Variants in PCCA observed in about 807,000 individuals in gnomAD.
The protein encoded by PCCA is propionyl-CoA carboxylase subunit alpha, also known as propionyl-CoA carboxylase alpha chain, mitochondrial.
PCCA carries 74 observed loss-of-function variants against 101.3 expected under a neutral mutation model. That is an observed-to-expected ratio of 0.73 (90% CI 0.61 to 0.89). PCCA has a LOEUF of 0.89. Among genes scored for constraint, PCCA ranks in the 40% least tolerant of loss-of-function variants. The pLI is 0.00. For synonymous variants in PCCA, 294 were observed against 313.6 expected (o/e 0.94, Z 0.66); for missense variants, 891 against 907.0 (o/e 0.98, Z 0.23).
intron 4 of PCCA, among the ~76,000 whole-genome samples, chr13:100,135,298 G>A (rs113461930): frequency 0.055 from 8,405 of 151,802 alleles, 791 homozygotes; most frequent in African/African-American, 0.19. Context: ...AGGCTGAGAG[G>A]GAGAATTGCT....
chr13:100,463,491 G>A (rs185832117), intron 21 of PCCA, among the ~76,000 whole-genome samples: 4 of 146,372 alleles, frequency 2.7e-5, no homozygotes, highest in Admixed American at 2.6e-4. Flanking sequence ...GATAACTGAT[G>A]CAGTTAGGGA....
chr13:100,395,382 G>C (rs1208071675), intron 19 of PCCA, among the ~76,000 whole-genome samples: 1 of 152,162 alleles, frequency 6.6e-6, no homozygotes, highest in East Asian at 1.9e-4. Context: ...CTGAAACTCA[G>C]TGGCAAGGGA....
chr13:100,105,668 A>C lies in PCCA; in HGVS notation c.183+2708A>C, dbSNP rs1240684333. Among the ~76,000 whole-genome samples, 102 of 149,404 alleles carry C rather than the reference A, an allele frequency of 6.8e-4. 1 individual carries two copies. Among genetic ancestry groups the C allele is most frequent in the African/African-American group, 2.5e-3 (102 of 40,926 alleles). ...AACCCTGTCTCTACCAAAAAAAAAA[A>C]AAAAAAAAAAACACCCCACAAAAAT... is the stretch of plus-strand genomic sequence containing the variant. On this transcript the variant is annotated intron_variant, in intron 2 of 23. Coordinates refer to ENST00000376285, the MANE Select transcript of PCCA (RefSeq NM_000282.4).
At chr13:100,244,319 T>C (rs935842378) in intron 8 of PCCA, among the ~76,000 whole-genome samples, 7 of 152,216 alleles carry the variant, frequency 4.6e-5, no homozygotes, top group African/African-American at 1.7e-4. Context: ...ACTTGTGTTC[T>C]GTGGCTTTTT....
chr13:100,529,510 G>C (rs917627355), intron 23 of PCCA, among the ~76,000 whole-genome samples: 1 of 152,154 alleles, frequency 6.6e-6, no homozygotes, highest in African/African-American at 2.4e-5. Context: ...ACTGAAACCG[G>C]TAGGACAAAA....
At chr13:100,391,833 C>T (rs2076815683) in intron 19 of PCCA, among the ~76,000 whole-genome samples, 1 of 152,112 alleles carries the variant, frequency 6.6e-6, no homozygotes, top group Non-Finnish European at 1.5e-5. Flanking sequence ...TAAATAAATA[C>T]ATTAACATCA....
rs149663763 is a variant in PCCA, at chr13:100,134,632, C to T, written c.301-20347C>T. ...AGTGCAGTTGTGTGATCATAGCTCA[C>T]TGTAGGCTTGACCACCTGGGCTCAA... On this transcript the variant is annotated intron_variant, in intron 4 of 23. Coordinates refer to ENST00000376285, the MANE Select transcript of PCCA (RefSeq NM_000282.4). Among the ~76,000 whole-genome samples the T allele has an allele frequency of 4.6e-4, 70 of 152,268 alleles. 1 individual carries two copies. The East Asian group carries it at 0.011, about 24-fold the overall frequency.
chr13:100,489,946 G>T (rs1198609584), intron 21 of PCCA: 4 of 152,220 alleles, frequency 2.6e-5, no homozygotes, highest in Non-Finnish European at 5.9e-5. Context: ...GGAGCACGGG[G>T]CTCAGGGAAA....
chr13:100,259,316 T>C (rs984801137), intron 9 of PCCA, among the ~76,000 whole-genome samples: 3 of 148,574 alleles, frequency 2.0e-5, no homozygotes, highest in Non-Finnish European at 4.4e-5. Context: ...AGATTTTTTT[T>C]AAAAATGTAA....
chr13:100,261,307 A>G (rs563642918), intron 9 of PCCA, among the ~76,000 whole-genome samples: 13 of 152,176 alleles, frequency 8.5e-5, no homozygotes, highest in African/African-American at 2.9e-4. Context: ...AATGGATAGA[A>G]GGCAATATAT....
At chr13:100,214,078 A>G (rs925401246) in intron 7 of PCCA, among the ~76,000 whole-genome samples, 1 of 152,036 alleles carries the variant, frequency 6.6e-6, no homozygotes, top group South Asian at 2.1e-4. Context: ...ATTCTGTTCT[A>G]TTGGTCTATG....
intron 10 of PCCA, among the ~76,000 whole-genome samples, chr13:100,264,346 T>C (rs561782956): frequency 6.6e-6 from 1 of 152,226 alleles, no homozygotes; most frequent in South Asian, 2.1e-4. Flanking sequence ...CACACACATC[T>C]AATTGTGTAA....
intron 18 of PCCA, among the ~76,000 whole-genome samples, chr13:100,362,609 A>G (rs2074739717): frequency 6.6e-6 from 1 of 152,146 alleles, no homozygotes; most frequent in East Asian, 1.9e-4. Flanking sequence ...TTTCCTGGCT[A>G]ATCATGCCCA....
intron 18 of PCCA, among the ~76,000 whole-genome samples, chr13:100,358,898 C>T (rs1260037892): frequency 2.0e-5 from 3 of 152,004 alleles, no homozygotes; most frequent in African/African-American, 7.2e-5. Flanking sequence ...GAGTTTGAGA[C>T]CAGCCTGGCC....
At chr13:100,465,891 T>A (rs985118969) in intron 21 of PCCA, among the ~76,000 whole-genome samples, 8 of 152,340 alleles carry the variant, frequency 5.3e-5, no homozygotes, top group East Asian at 1.9e-4. Flanking sequence ...TGATACTGGA[T>A]TTGCTTTAGG....
intron 19 of PCCA, among the ~76,000 whole-genome samples, chr13:100,385,416 C>CAA (rs2076445025): frequency 6.6e-6 from 1 of 152,080 alleles, no homozygotes; most frequent in Non-Finnish European, 1.5e-5. Flanking sequence ...ATGCAGAACT[C>CAA]TTACAAATCA....
intron 6 of PCCA, among the ~76,000 whole-genome samples, chr13:100,162,243 T>C (rs111643024): frequency 0.018 from 2,671 of 152,284 alleles, 83 homozygotes; most frequent in African/African-American, 0.061. Context: ...AAAACAGTGG[T>C]CCCTAGGCTT....
chr13:100,385,583 C>T (rs2076455190), intron 19 of PCCA, among the ~76,000 whole-genome samples: 2 of 152,044 alleles, frequency 1.3e-5, no homozygotes, highest in Non-Finnish European at 2.9e-5. Context: ...CACATTTTGG[C>T]AAAAATGAAA....
chr13:100,440,408 T>G (rs1414139596), intron 20 of PCCA, among the ~76,000 whole-genome samples: 2 of 151,414 alleles, frequency 1.3e-5, no homozygotes, highest in African/African-American at 4.8e-5. Context: ...GAAAATAAAT[T>G]GTTGATTTTC....
Sources: gnomAD v4.1 joint callset for allele counts (sites outside exome capture counted in the v4.1 genomes callset) on GRCh38, gnomAD v4.1.1 for gene constraint, MANE v1.5 for transcripts, NCBI Gene and HGNC (gene_info 2026-07-23, HGNC 2026-07-21) for gene names.